The following ADRA1A variants were observed in gnomAD, a reference collection of about 807,000 sequenced individuals.
ADRA1A encodes the protein adrenoceptor alpha 1A.
Under a neutral mutation model 29.6 loss-of-function variants are expected in ADRA1A, and 31 were observed. The observed-to-expected ratio is 1.05, with a 90% CI of 0.79 to 1.41. The LOEUF (loss-of-function observed/expected upper bound fraction) is 1.41. ADRA1A is among the 40% of genes most tolerant of loss of function. The pLI is 0.00. For missense variants in ADRA1A, 619 were observed against 601.1 expected, an observed-to-expected ratio of 1.03 and a Z score of -0.31; for synonymous variants, 311 against 254.3, an observed-to-expected ratio of 1.22 and a Z score of -2.12.
chr8:26,749,526 A>G (rs1156960882), intron 2 of ADRA1A, among the ~76,000 whole-genome samples: 1 of 152,234 alleles, frequency 6.6e-6, no homozygotes, highest in Non-Finnish European at 1.5e-5. Flanking sequence ...CTATGCATTG[A>G]ATGAGTAAAC....
intron 2 of ADRA1A, among the ~76,000 whole-genome samples, chr8:26,846,194 G>C (rs116923424): frequency 0.036 from 5,515 of 152,246 alleles, 132 homozygotes; most frequent in Middle Eastern, 0.12. Context: ...GTTTTGTTTT[G>C]AATCACTAGC....
intron 2 of ADRA1A, among the ~76,000 whole-genome samples, chr8:26,786,295 C>A (rs1044067539): frequency 6.6e-6 from 1 of 151,726 alleles, no homozygotes; most frequent in East Asian, 1.9e-4. Flanking sequence ...AGTGTAGTGG[C>A]GCAGTCTTGG....
chr8:26,810,859 C>A (rs1331353770), intron 2 of ADRA1A, among the ~76,000 whole-genome samples: 1 of 152,068 alleles, frequency 6.6e-6, no homozygotes, highest in Non-Finnish European at 1.5e-5. Flanking sequence ...AGAGAATTGC[C>A]CTAATTTCAA....
At chr8:26,834,576 T>G (rs1294901805) in intron 2 of ADRA1A, among the ~76,000 whole-genome samples, 1 of 152,222 alleles carries the variant, frequency 6.6e-6, no homozygotes, top group Non-Finnish European at 1.5e-5. Context: ...CAGTTGACCA[T>G]AGATTCTCAT....
At position 26,859,097 on chromosome 8, in the gene ADRA1A, T is replaced by C. The variant is rs893667303; in HGVS notation, c.883+4990A>G. 9 of 1,288,866 alleles carry C rather than the reference T, an allele frequency of 7.0e-6. No individual in the cohort carries two copies. The African/African-American group carries it at 1.4e-4, about 20-fold the overall frequency. The allele number at this position is 1,288,866 out of a possible 1,614,324, so 79.8% of individuals were successfully genotyped here. On this transcript the variant is annotated intron_variant, in intron 2 of 2. Coordinates refer to ENST00000380573, the MANE Select transcript of ADRA1A (RefSeq NM_000680.4). ...CACTTCTCAGCTGTGGATAGCACAC[T>C]CATCCCTGCCCTGGTTTCAGTTTTT... is the stretch of plus-strand genomic sequence containing the variant.
At chr8:26,793,292 C>G (rs1807962244) in intron 2 of ADRA1A, among the ~76,000 whole-genome samples, 1 of 151,812 alleles carries the variant, frequency 6.6e-6, no homozygotes, top group Admixed American at 6.6e-5. Context: ...AAATATGTAT[C>G]AAGTTTTCAG....
intron 2 of ADRA1A, among the ~76,000 whole-genome samples, chr8:26,859,849 C>T (rs1053176676): frequency 4.0e-5 from 6 of 151,702 alleles, no homozygotes; most frequent in African/African-American, 1.5e-4. Flanking sequence ...CTCACTGCAA[C>T]CTCTGTCTCC....
At chr8:26,807,009 A>G (rs1274484934) in intron 2 of ADRA1A, among the ~76,000 whole-genome samples, 1 of 152,176 alleles carries the variant, frequency 6.6e-6, no homozygotes, top group Non-Finnish European at 1.5e-5. Flanking sequence ...AAAAATAAAC[A>G]TGTTCACTGA....
chr8:26,802,105 A>G (rs1808625580), intron 2 of ADRA1A, among the ~76,000 whole-genome samples: 1 of 152,118 alleles, frequency 6.6e-6, no homozygotes, highest in Non-Finnish European at 1.5e-5. Flanking sequence ...AAAGTTGATT[A>G]AAGACTATGA....
chr8:26,781,203 A>T (rs375000583), intron 2 of ADRA1A, among the ~76,000 whole-genome samples: 1 of 152,160 alleles, frequency 6.6e-6, no homozygotes, highest in Admixed American at 6.5e-5. Flanking sequence ...TCTTGACTAT[A>T]AACTCCCTTG....
exon 3 of ADRA1A, chr8:26,748,675 C>A (rs1406343230): frequency 8.0e-6 from 3 of 377,088 alleles, no homozygotes; most frequent in African/African-American, 2.2e-5. Flanking sequence ...ATCTCTTGAA[C>A]CCGGGAGGCG....
chr8:26,859,144 C>T (rs746847969), intron 2 of ADRA1A: 3 of 1,290,158 alleles, frequency 2.3e-6, no homozygotes, highest in South Asian at 1.2e-5. Flanking sequence ...TCTCCCGCAG[C>T]CTAGTGCAGA....
At chr8:26,836,421 A>C (rs1811364101) in intron 2 of ADRA1A, 1 of 152,694 alleles carries the variant, frequency 6.5e-6, no homozygotes, top group African/African-American at 2.4e-5. Flanking sequence ...GTAAATGCTA[A>C]TCCTGCAAAA....
intron 2 of ADRA1A, among the ~76,000 whole-genome samples, chr8:26,794,387 C>T (rs1251896973): frequency 6.6e-6 from 1 of 151,984 alleles, no homozygotes; most frequent in East Asian, 1.9e-4. Flanking sequence ...GTTCTTCTGG[C>T]CTCAGAATTG....
chr8:26,778,100 G>C lies in ADRA1A; in HGVS notation c.884-7434C>G, dbSNP rs555817446. ...ATTTCATCCTGGATGAGTCTGAGCT[G>C]CTGGAATTAAAACTTGTCAAATGGT... On this transcript the variant is annotated intron_variant, in intron 2 of 2. Coordinates refer to ENST00000380573, the MANE Select transcript of ADRA1A (RefSeq NM_000680.4). Among the ~76,000 whole-genome samples the C allele has an allele frequency of 5.9e-5, 9 of 152,298 alleles. No homozygotes were observed. In the South Asian group the frequency reaches 1.9e-3, roughly 32 times the overall value.
At chr8:26,833,498 A>G (rs1415349003) in intron 2 of ADRA1A, among the ~76,000 whole-genome samples, 1 of 152,238 alleles carries the variant, frequency 6.6e-6, no homozygotes, top group Non-Finnish European at 1.5e-5. Flanking sequence ...AGAACTTTGC[A>G]TAGGGTGCTG....
At chr8:26,797,831 T>A (rs1276220943) in intron 2 of ADRA1A, among the ~76,000 whole-genome samples, 2 of 152,160 alleles carry the variant, frequency 1.3e-5, no homozygotes, top group Non-Finnish European at 2.9e-5. Flanking sequence ...AAAGTGATCA[T>A]GACATGGTGT....
intron 2 of ADRA1A, chr8:26,756,939 G>C: frequency 8.8e-7 from 1 of 1,131,674 alleles, no homozygotes; most frequent in Non-Finnish European, 1.3e-6. Context: ...TCAGTAGAGC[G>C]GGTTCTCAAG....
intron 2 of ADRA1A, among the ~76,000 whole-genome samples, chr8:26,818,854 A>G (rs1809955025): frequency 6.6e-6 from 1 of 152,144 alleles, no homozygotes; most frequent in Non-Finnish European, 1.5e-5. Context: ...GTTATCAGGT[A>G]AAATAATACA....
Sources: gnomAD v4.1 joint callset for allele counts (sites outside exome capture counted in the v4.1 genomes callset) on GRCh38, gnomAD v4.1.1 for gene constraint, MANE v1.5 for transcripts, NCBI Gene and HGNC (gene_info 2026-07-23, HGNC 2026-07-21) for gene names.